PLPPR1: variants seen among roughly 807,000 people sequenced by gnomAD.
PLPPR1 encodes phospholipid phosphatase related 1.
In PLPPR1, 10 loss-of-function variants were observed where a neutral mutation model predicts 33.1. The observed-to-expected ratio is 0.30, with a 90% CI of 0.19 to 0.51. The LOEUF is 0.51. Among genes scored for constraint, PLPPR1 ranks in the 20% least tolerant of loss-of-function variants. The pLI, the probability that PLPPR1 is intolerant of heterozygous loss-of-function variation, is 0.97. For synonymous variants in PLPPR1, 151 were observed against 151.0 expected (o/e 1.00, Z 0.00); for missense variants, 304 against 408.1 (o/e 0.74, Z 2.20).
At chr9:101,129,086 AG>A (rs914392075) in intron 1 of PLPPR1, among the ~76,000 whole-genome samples, 20 of 152,148 alleles carry the variant, frequency 1.3e-4, no homozygotes, top group Non-Finnish European at 2.5e-4. Flanking sequence ...CTCCCCAGGT[AG>A]ATTTTGAACC....
chr9:101,232,203 T>C (rs1827201262), intron 2 of PLPPR1, among the ~76,000 whole-genome samples: 1 of 152,026 alleles, frequency 6.6e-6, no homozygotes, highest in Non-Finnish European at 1.5e-5. Context: ...TCTTCGAAAG[T>C]AAACAACTGA....
At chr9:101,182,745 A>G (rs1376070854) in intron 1 of PLPPR1, among the ~76,000 whole-genome samples, 1 of 151,824 alleles carries the variant, frequency 6.6e-6, no homozygotes, top group African/African-American at 2.4e-5. Flanking sequence ...TATTGAAAAT[A>G]TGTATCTGAT....
At chr9:101,323,865 A>G (rs1194876220) in intron 7 of PLPPR1, among the ~76,000 whole-genome samples, 160 bp from the exon 8 acceptor site, 2 of 152,030 alleles carry the variant, frequency 1.3e-5, no homozygotes, top group Non-Finnish European at 2.9e-5. Flanking sequence ...AAAACCAAAG[A>G]GGTAAGGGAA....
chr9:101,149,249 A>G (rs1419330213), intron 1 of PLPPR1, among the ~76,000 whole-genome samples: 1 of 152,228 alleles, frequency 6.6e-6, no homozygotes, highest in African/African-American at 2.4e-5. Context: ...TAAGTAAAGC[A>G]TAGACACTGG....
At chr9:101,278,030 T>A (rs995496568) in intron 3 of PLPPR1, among the ~76,000 whole-genome samples, 2 of 152,176 alleles carry the variant, frequency 1.3e-5, no homozygotes, top group African/African-American at 4.8e-5. Flanking sequence ...AAAGCCCGCA[T>A]TCAGGAAACA....
intron 2 of PLPPR1, among the ~76,000 whole-genome samples, chr9:101,246,991 G>T (rs1827622511): frequency 6.6e-6 from 1 of 151,886 alleles, no homozygotes; most frequent in South Asian, 2.1e-4. Context: ...TCTGCTTGTA[G>T]TCACATCAGC....
chr9:101,051,466 G>A (rs754444122), intron 1 of PLPPR1, among the ~76,000 whole-genome samples: 15 of 152,072 alleles, frequency 9.9e-5, no homozygotes, highest in Non-Finnish European at 1.6e-4. Context: ...ACTTGCTCAA[G>A]TTGCATCAGA....
At chr9:101,277,799 A>G (rs1564024793) in intron 3 of PLPPR1, among the ~76,000 whole-genome samples, 1 of 152,186 alleles carries the variant, frequency 6.6e-6, no homozygotes. Flanking sequence ...CTCCTGTTTC[A>G]ACACACATTC....
At chr9:101,166,193 G>T (rs12551348) in intron 1 of PLPPR1, among the ~76,000 whole-genome samples, 1 of 152,180 alleles carries the variant, frequency 6.6e-6, no homozygotes, top group East Asian at 1.9e-4. Context: ...CCATATGGCC[G>T]TGGTTTTTTT....
intron 1 of PLPPR1, among the ~76,000 whole-genome samples, chr9:101,132,683 T>A (rs118042383): frequency 6.6e-6 from 1 of 152,332 alleles, no homozygotes; most frequent in Non-Finnish European, 1.5e-5. Context: ...TGTGTCAGTG[T>A]AAGTTTATCA....
At chr9:101,226,109 T>G (rs1021988907) in intron 2 of PLPPR1, among the ~76,000 whole-genome samples, 6 of 152,162 alleles carry the variant, frequency 3.9e-5, no homozygotes, top group African/African-American at 1.2e-4. Flanking sequence ...GAGCTTACCC[T>G]CCTGACATGA....
intron 2 of PLPPR1, among the ~76,000 whole-genome samples, chr9:101,221,217 T>G (rs1176623750): frequency 6.6e-6 from 1 of 152,172 alleles, no homozygotes; most frequent in Non-Finnish European, 1.5e-5. Flanking sequence ...CTGCACTGTA[T>G]TTGTTGTCTT....
chr9:101,116,640 C>T (rs768348919), intron 1 of PLPPR1, among the ~76,000 whole-genome samples: 2 of 151,938 alleles, frequency 1.3e-5, no homozygotes, highest in Non-Finnish European at 2.9e-5. Flanking sequence ...TGGTGAAACC[C>T]CATCTCTACT....
At chr9:101,153,404 C>A (rs1320202854) in intron 1 of PLPPR1, among the ~76,000 whole-genome samples, 1 of 152,116 alleles carries the variant, frequency 6.6e-6, no homozygotes, top group Admixed American at 6.6e-5. Flanking sequence ...TGCCTGATTG[C>A]CCTGGCCAGA....
intron 2 of PLPPR1, among the ~76,000 whole-genome samples, chr9:101,249,807 A>T (rs1827685014): frequency 6.6e-6 from 1 of 152,076 alleles, no homozygotes; most frequent in African/African-American, 2.4e-5. Context: ...GATAGAGAAG[A>T]TGCAACTCCT....
At chr9:101,167,482 C>T (rs1367300507) in intron 1 of PLPPR1, among the ~76,000 whole-genome samples, 1 of 151,668 alleles carries the variant, frequency 6.6e-6, no homozygotes, top group Non-Finnish European at 1.5e-5. Context: ...AGGGCATTTC[C>T]TTTCTTCTCC....
intron 1 of PLPPR1, among the ~76,000 whole-genome samples, chr9:101,051,269 AC>A (rs1830218816): frequency 6.8e-6 from 1 of 146,700 alleles, no homozygotes; most frequent in Admixed American, 6.7e-5. Flanking sequence ...TACTACTACT[AC>A]TACTTCTACT....
At chr9:101,274,708 C>G (rs1307917571) in intron 3 of PLPPR1, among the ~76,000 whole-genome samples, 2 of 152,154 alleles carry the variant, frequency 1.3e-5, no homozygotes, top group Admixed American at 1.3e-4. Context: ...CAAGTGCCCA[C>G]CTCAGCACAC....
At chr9:101,208,182 A>G (rs922900584) in intron 2 of PLPPR1, among the ~76,000 whole-genome samples, 1 of 152,168 alleles carries the variant, frequency 6.6e-6, no homozygotes, top group Admixed American at 6.5e-5. Flanking sequence ...TGAGATTTCA[A>G]TTTTCATCTA....
Sources: allele counts gnomAD v4.1 joint callset (sites outside exome capture counted in the v4.1 genomes callset), GRCh38; gene constraint gnomAD v4.1.1; transcripts MANE v1.5; gene names NCBI Gene and HGNC (gene_info 2026-07-23, HGNC 2026-07-21).